SAMM50: variants seen among roughly 807,000 people sequenced by gnomAD.
SAMM50 encodes the protein sorting and assembly machinery component 50 homolog.
SAMM50 carries 47 observed loss-of-function variants against 66.9 expected under a neutral mutation model. That is an observed-to-expected ratio of 0.70 (90% confidence interval 0.56 to 0.90). The LOEUF (loss-of-function observed/expected upper bound fraction) is 0.90. SAMM50 is among the 40% of genes least tolerant of loss of function. The pLI is 0.00. For synonymous variants in SAMM50, 191 were observed against 214.1 expected, an observed-to-expected ratio of 0.89 and a Z score of 0.94; for missense variants, 535 against 595.3, an observed-to-expected ratio of 0.90 and a Z score of 1.05.
chr22:43,964,211 A>G (rs2050161592), intron 2 of SAMM50, among the ~76,000 whole-genome samples: 1 of 152,222 alleles, frequency 6.6e-6, no homozygotes, highest in Non-Finnish European at 1.5e-5. Context: ...GTCCTGGGTC[A>G]TCTGGCTGGA....
chr22:43,974,773 C>G (rs2050222639), intron 7 of SAMM50: 1 of 152,312 alleles, frequency 6.6e-6, no homozygotes, highest in African/African-American at 2.4e-5. Flanking sequence ...TGTGCACCCA[C>G]AGTGGTCGGG....
intron 1 of SAMM50, among the ~76,000 whole-genome samples, chr22:43,955,807 A>T (rs2050116227): frequency 6.6e-6 from 1 of 152,232 alleles, no homozygotes; most frequent in Non-Finnish European, 1.5e-5. Context: ...AGGAGGGACG[A>T]GACTTGGCTA....
Position 43,983,878 on chromosome 22 carries a change from C to G in SAMM50, c.1008-55C>G, listed in dbSNP as rs2050276956. On this transcript the variant is annotated intron_variant, in intron 11 of 14. Transcript: ENST00000350028. The surrounding 1 kb of genome is among the most constrained non-coding windows in gnomAD (Gnocchi z 4.2). Reference sequence around the variant, plus strand: ...TGTGTTTCCTACGCGTTCCGTGTGTCATGTCGTTTCTCACCTCCTGACTTT... The same window carrying G: ...TGTGTTTCCTACGCGTTCCGTGTGTGATGTCGTTTCTCACCTCCTGACTTT... 8.0e-7 allele frequency: 1 copy of G among 1,257,504 alleles called. No homozygotes were observed. Among genetic ancestry groups the G allele is most frequent in the South Asian group, 1.3e-5 (1 of 77,042 alleles). The allele number at this position is 1,257,504 out of a possible 1,614,324, so 77.9% of individuals were successfully genotyped here.
chr22:43,975,952 G>T, intron 7 of SAMM50, 103 bp from the exon 8 acceptor site: 10 of 1,189,748 alleles, frequency 8.4e-6, no homozygotes, highest in South Asian at 3.2e-5. Flanking sequence ...AAAAAAATTA[G>T]ATATTTAGTT....
intron 13 of SAMM50, among the ~76,000 whole-genome samples, chr22:43,989,490 T>C (rs2050311691): frequency 6.6e-6 from 1 of 152,028 alleles, no homozygotes. Flanking sequence ...GCGCGTGCCA[T>C]CACGCCCGGC....
At chr22:43,991,946 A>G (rs1015229455) in intron 14 of SAMM50, among the ~76,000 whole-genome samples, 1 of 152,220 alleles carries the variant, frequency 6.6e-6, no homozygotes, top group African/African-American at 2.4e-5. Flanking sequence ...CCATCCTGTC[A>G]GGGTTAGGGC....
At chr22:43,962,815 T>C (rs1250989016) in intron 1 of SAMM50, among the ~76,000 whole-genome samples, 1 of 151,710 alleles carries the variant, frequency 6.6e-6, no homozygotes. Flanking sequence ...ATGTCCAGAA[T>C]TAGGTTGGTC....
intron 11 of SAMM50, 137 bp downstream of exon 11, chr22:43,981,598 A>G: frequency 1.7e-6 from 1 of 605,550 alleles, no homozygotes; most frequent in Admixed American, 3.1e-5. Flanking sequence ...TTTATGTTTA[A>G]GCTAATTTCT....
At chr22:43,996,184 G>T (rs2050353071) in intron 14 of SAMM50, 154 bp from the exon 15 acceptor site, 6 of 784,010 alleles carry the variant, frequency 7.7e-6, no homozygotes, top group Non-Finnish European at 1.4e-5. Context: ...AAGCAGCCGG[G>T]GCCGGTGAGG....
chr22:43,981,190 C>A (rs1352456715), intron 10 of SAMM50, among the ~76,000 whole-genome samples: 3 of 152,194 alleles, frequency 2.0e-5, no homozygotes, highest in Non-Finnish European at 4.4e-5. Context: ...TTTGGAATTG[C>A]GTGTTTTAAT....
At position 43,981,432 on chromosome 22, in the gene SAMM50, T is replaced by C; in HGVS notation, c.978T>C (p.Ile326=). The change falls in exon 11 of 15, where the codon ATT becomes ATC. Residue 326 remains isoleucine (I), a synonymous_variant. Transcript: ENST00000350028. The part of the protein sequence containing the change: ...ASFWGGMLVP[I]GDKPSSIADR... ...TCTGGGGCGGAATGTTGGTACCCAT[T>C]GGTGATAAGCCGTCAAGCATTGCTG... 6.2e-7 allele frequency: 1 copy of C among 1,613,776 alleles called. No individual in the cohort carries two copies.
Position 43,955,500 on chromosome 22 carries a change from G to C in SAMM50, c.-78G>C. On this transcript the variant is annotated 5_prime_UTR_variant, in exon 1 of 15. Coordinates refer to ENST00000350028, the MANE Select transcript of SAMM50 (RefSeq NM_015380.5). ...CTTGACCTGCAGCTCCGCCACCGCG[G>C]ACCCGCCTTCTGCCCTCAGCAGCAG... The C allele has an allele frequency of 6.5e-7, 1 of 1,527,166 alleles. No homozygotes were observed. 94.6% of individuals were successfully genotyped at this position (1,527,166 alleles called of 1,614,324 possible).
At chr22:43,976,949 C>T (rs371112318) in intron 9 of SAMM50, 128 bp downstream of exon 9, 74 of 606,022 alleles carry the variant, frequency 1.2e-4, no homozygotes, top group South Asian at 6.1e-4. Flanking sequence ...CATGCAGTAT[C>T]GCTTTTGAAG....
At chr22:43,959,902 A>G (rs142114147) in intron 1 of SAMM50, among the ~76,000 whole-genome samples, 2 of 152,188 alleles carry the variant, frequency 1.3e-5, no homozygotes, top group Non-Finnish European at 2.9e-5. Context: ...GGGTTTAGAG[A>G]TAATAGAAAA....
At chr22:43,959,018 CTTT>C (rs11337908) in intron 1 of SAMM50, among the ~76,000 whole-genome samples, 9 of 112,648 alleles carry the variant, frequency 8.0e-5, no homozygotes, top group Non-Finnish European at 1.1e-4. Context: ...TTTCAGTTTT[CTTT>C]TTTTTTTTTT....
intron 1 of SAMM50, 137 bp from the exon 2 acceptor site, chr22:43,963,149 C>G: frequency 1.8e-6 from 1 of 566,268 alleles, no homozygotes; most frequent in East Asian, 2.9e-5. Context: ...TCCCTGGTCC[C>G]TATTCCTGCC....
At chr22:43,973,799 A>G (rs1447666175) in intron 7 of SAMM50, among the ~76,000 whole-genome samples, 1 of 151,902 alleles carries the variant, frequency 6.6e-6, no homozygotes, top group African/African-American at 2.4e-5. Flanking sequence ...TTTAGTAGAG[A>G]TGGCGGTTTC....
intron 1 of SAMM50, among the ~76,000 whole-genome samples, chr22:43,957,567 C>T (rs28733632): frequency 0.06 from 9,194 of 152,152 alleles, 288 homozygotes; most frequent in Middle Eastern, 0.082. Flanking sequence ...GGATTATAGG[C>T]GCACGCCACC....
chr22:43,959,335 C>G (rs190713793), intron 1 of SAMM50, among the ~76,000 whole-genome samples: 1 of 152,014 alleles, frequency 6.6e-6, no homozygotes, highest in Non-Finnish European at 1.5e-5. Flanking sequence ...TATATTTTCT[C>G]TTGGATTCTA....
Sources: gnomAD v4.1 joint callset for allele counts (sites outside exome capture counted in the v4.1 genomes callset) on GRCh38, gnomAD v4.1.1 for gene constraint, Gnocchi (gnomAD v3.1) non-coding constraint, MANE v1.5 for transcripts, NCBI Gene and HGNC (gene_info 2026-07-23, HGNC 2026-07-21) for gene names.